TNXB: variants seen among roughly 807,000 people sequenced by gnomAD.
TNXB encodes tenascin-X.
TNXB carries 183 observed loss-of-function variants against 340.5 expected under a neutral mutation model. The observed-to-expected ratio is 0.54, with a 90% CI of 0.48 to 0.61. TNXB has a LOEUF of 0.61. Ranked by LOEUF, TNXB falls within the 20% of genes least tolerant of loss-of-function variation. The pLI, the probability that TNXB is intolerant of heterozygous loss-of-function variation, is 0.00. For synonymous variants in TNXB, 2,121 were observed against 2,314.5 expected (o/e 0.92, Z 2.40); for missense variants, 4,613 against 5,446.4 (o/e 0.85, Z 4.82).
At position 32,086,093 on chromosome 6, in the gene TNXB, C is replaced by T. The variant is rs1390957422; in HGVS notation, c.2805G>A (p.Gly935=). The T allele has an allele frequency of 1.9e-6, 3 of 1,552,688 alleles. No individual in the cohort carries two copies. The highest frequency in any genetic ancestry group is 2.6e-6 in the Non-Finnish European group (3 of 1,148,430). ...NTGSSPLGLL[G]TTDEPPPSGP... ...CTGAGGGAGGAGGCTCATCGGTAGTCCCCAAGAGGCCCAAGGGTGAGGACC... is the reference window on the plus strand; with the variant it reads ...CTGAGGGAGGAGGCTCATCGGTAGTTCCCAAGAGGCCCAAGGGTGAGGACC... Residue 935 remains glycine, a synonymous_variant, in exon 7 of 44, where the codon GGG becomes GGA. Coordinates refer to ENST00000644971, the MANE Select transcript of TNXB (RefSeq NM_001365276.2).
rs1778083524 is a variant in TNXB at position 32,062,390 on chromosome 6, G to A, written c.6935C>T (p.Thr2312Ile). The change falls in exon 20 of 44, where the codon ACA becomes ATA. Residue 2312 changes from threonine (T) to isoleucine (I), a missense_variant. Transcript: ENST00000644971. The surrounding 1 kb of genome is among the most constrained non-coding windows in gnomAD (Gnocchi z 4.3). ...IKPRLEELTV[T>I]DATPDSLSLS... is the part of the protein sequence containing the mutation. ...GCTGAGGGAGTCAGGGGTCGCATCT[G>A]TCACGGTCAGCTCCTCCAGGCGAGG... 6.2e-7 allele frequency: 1 copy of A among 1,613,340 alleles called. No homozygotes were observed. The highest frequency in any genetic ancestry group is 8.5e-7 in the Non-Finnish European group (1 of 1,179,896).
At position 32,049,709 on chromosome 6, in the gene TNXB, G is replaced by A; in HGVS notation, c.9440-122C>T. 1.6e-6 allele frequency: 2 copies of A among 1,278,172 alleles called. No homozygotes were observed. Among genetic ancestry groups the A allele is most frequent in the South Asian group, 3.0e-5 (2 of 66,710 alleles). 79.2% of individuals were successfully genotyped at this position (1,278,172 alleles called of 1,614,324 possible). A position where few individuals can be genotyped will look rare whatever the true frequency, so the allele number is the denominator to read the frequency against. ...TCATTTCAGAGAAGTCCATTCTTGGGGCTGGGTGGTCCTGCTCAGCTGACA... is the reference window on the plus strand; with the variant it reads ...TCATTTCAGAGAAGTCCATTCTTGGAGCTGGGTGGTCCTGCTCAGCTGACA... On this transcript the variant is annotated intron_variant, in intron 27 of 43. Transcript: ENST00000644971. This position sits in a 1 kb window ranked among gnomAD's most constrained non-coding sequence, Gnocchi z 4.5.
In TNXB at chr6:32,081,708, G is replaced by A; in HGVS notation, c.3737-35C>T. On this transcript the variant is annotated intron_variant, in intron 9 of 43. Transcript: ENST00000644971. The surrounding 1 kb of genome is among the most constrained non-coding windows in gnomAD (Gnocchi z 5.1). ...AGGAGATCCAGCCAGGTGCTGAACT[G>A]GCAGCCTGGGACTGGGGCTTGGGGT... The A allele has an allele frequency of 6.6e-7, 1 of 1,523,490 alleles. No homozygotes were observed. Among genetic ancestry groups the A allele is most frequent in the Non-Finnish European group, 8.9e-7 (1 of 1,128,608 alleles). 94.4% of individuals were successfully genotyped at this position (1,523,490 alleles called of 1,614,324 possible). A position where few individuals can be genotyped will look rare whatever the true frequency, so the allele number is the denominator to read the frequency against.
rs577350186 is a variant in TNXB at position 32,096,713 on chromosome 6, G to T, written c.1140C>A (p.Arg380=). 3.2e-6 allele frequency: 5 copies of T among 1,549,526 alleles called. No homozygotes were observed. In the African/African-American group the frequency reaches 6.9e-5, roughly 21 times the overall value. Residue 380 remains arginine, a synonymous_variant, in exon 3 of 44, where the codon CGC becomes CGA. Transcript: ENST00000644971. Reference sequence around the variant, plus strand: ...TGCATTCGCCGTCCTCGCAGCGCCCGCGGCCCCGGCAGTCCCTCGGACATG... The same window carrying T: ...TGCATTCGCCGTCCTCGCAGCGCCCTCGGCCCCGGCAGTCCCTCGGACATG... ...TRTCPRDCRG[R]GRCEDGECIC... is the part of the protein sequence containing the mutation.
Position 32,096,965 on chromosome 6 carries a change from C to T in TNXB, c.888G>A (p.Val296=), listed in dbSNP as rs764592071. 3.3e-5 allele frequency: 53 copies of T among 1,605,840 alleles called. 2 individuals carry two copies. In the South Asian group the frequency reaches 5.8e-4, roughly 18 times the overall value. ...QRGRCENGRC[V]CNPGYTGEDC... ...CCTCGCCAGTGTAGCCGGGGTTACA[C>T]ACGCAGCGCCCATTCTCACAGCGCC... Residue 296 remains valine (V), a synonymous_variant, in exon 3 of 44, where the codon GTG becomes GTA. Coordinates refer to ENST00000644971, the MANE Select transcript of TNXB (RefSeq NM_001365276.2).
Position 32,042,523 on chromosome 6 carries a change from G to A in TNXB, c.12142C>T (p.Leu4048Phe), listed in dbSNP as rs780430990. The change falls in exon 40 of 44, where the codon CTC (leucine) becomes TTC (phenylalanine). Residue 4048 changes from leucine to phenylalanine, a missense_variant. Physicochemically the swap from Leu to Phe is conservative, Grantham distance 22. This residue lies in a region of TNXB where 121 missense variants were observed against 177.4 expected (regional missense o/e 0.68). Coordinates refer to ENST00000644971, the MANE Select transcript of TNXB (RefSeq NM_001365276.2). Reference protein sequence around the residue: ...AGASRTSTIFLNGNRERPLNV... With the variant: ...AGASRTSTIFFNGNRERPLNV... ...AGGGGCCGCTCGCGGTTGCCGTTGA[G>A]GAAGATGGTGCTGGTCCTGGAGGCA... The A allele has an allele frequency of 1.9e-6, 3 of 1,612,312 alleles. No individual in the cohort carries two copies. The African/African-American group carries it at 4.0e-5, about 22-fold the overall frequency.
rs747920918 is a variant in TNXB, at chr6:32,053,419, G to C, written c.8760C>G (p.Arg2920=). ...MNLYGFHGGQ[R]VGPISVIGVT... Reference sequence around the variant, plus strand: ...CCCCAATGACAGAGATGGGGCCCACGCGCTGGCCACCGTGGAAGCCGTACA... The same window carrying C: ...CCCCAATGACAGAGATGGGGCCCACCCGCTGGCCACCGTGGAAGCCGTACA... The change falls in exon 25 of 44, where the codon CGC becomes CGG. Residue 2920 remains arginine, a synonymous_variant. Coordinates refer to ENST00000644971, the MANE Select transcript of TNXB (RefSeq NM_001365276.2). The C allele has an allele frequency of 5.6e-6, 9 of 1,612,770 alleles. No homozygotes were observed. In the Admixed American group the frequency reaches 1.3e-4, roughly 24 times the overall value.
Position 32,053,412 on chromosome 6 carries a change from G to T in TNXB, c.8767C>A (p.Pro2923Thr). 1.2e-6 allele frequency: 2 copies of T among 1,612,838 alleles called. No individual in the cohort carries two copies. Among genetic ancestry groups the T allele is most frequent in the Non-Finnish European group, 1.7e-6 (2 of 1,179,866 alleles). The stretch of plus-strand genomic sequence containing the variant: ...CCTGTCACCCCAATGACAGAGATGG[G>T]GCCCACGCGCTGGCCACCGTGGAAG... ...YGFHGGQRVG[P>T]ISVIGVTAAE... Residue 2923 changes from proline (P) to threonine (T), a missense_variant, in exon 25 of 44, where the codon CCC becomes ACC. By Grantham distance (38) the Pro-to-Thr change is conservative. This residue lies in a region of TNXB where 4,327 missense variants were observed against 4,859.4 expected (regional missense o/e 0.89). Transcript: ENST00000644971.
chr6:32,079,301 G>A lies in TNXB; in HGVS notation c.4107C>T (p.Ser1369=), dbSNP rs753573303. 6.2e-7 allele frequency: 1 copy of A among 1,612,876 alleles called. No homozygotes were observed. Among genetic ancestry groups the A allele is most frequent in the South Asian group, 1.1e-5 (1 of 91,070 alleles). ...GCTCCCCCAGGAGCGGCTCCTCGGG[G>A]GACTCCGGGGCCTCCGTGCCCAGTT... ...PTELGTEAPE[S]PEEPLLGELT... is the part of the protein sequence containing the mutation. The change falls in exon 11 of 44, where the codon TCC becomes TCT. Residue 1369 remains serine, a synonymous_variant. Coordinates refer to ENST00000644971, the MANE Select transcript of TNXB (RefSeq NM_001365276.2). This position sits in a 1 kb window ranked among gnomAD's most constrained non-coding sequence, Gnocchi z 7.1.
In TNXB at chr6:32,095,796, C is replaced by A; in HGVS notation, c.2057G>T (p.Ser686Ile). 1 of 1,613,248 alleles carries A rather than the reference C, an allele frequency of 6.2e-7. No homozygotes were observed. Among genetic ancestry groups the A allele is most frequent in the Non-Finnish European group, 8.5e-7 (1 of 1,179,626 alleles). Residue 686 changes from serine (S) to isoleucine (I), a missense_variant, in exon 3 of 44, where the codon AGC (serine) becomes ATC (isoleucine). Physicochemically the swap from Ser to Ile is moderately radical, Grantham distance 142. Transcript: ENST00000644971. ...GGGCCCGCAGCCTCCAGGGCAGGCG[C>A]TGGCTGGAGGCTCTTCCTGCCCGCA... ...EDCGQEEPPA[S>I]ACPGGCGPRE...
chr6:32,068,586 T>A lies in TNXB; in HGVS notation c.6024A>T (p.Thr2008=). Reference sequence around the variant, plus strand: ...AGTGGTCAAACTGTCCCTCGGGAACTGTCCAGGACAGGCTGAGGGAGTCAG... The same window carrying A: ...AGTGGTCAAACTGTCCCTCGGGAACAGTCCAGGACAGGCTGAGGGAGTCAG... ...ATPDSLSLSW[T]VPEGQFDHFL... The change falls in exon 17 of 44, where the codon ACA becomes ACT. Residue 2008 remains threonine, a synonymous_variant. Transcript: ENST00000644971. The surrounding 1 kb of genome is among the most constrained non-coding windows in gnomAD (Gnocchi z 5.3). The A allele has an allele frequency of 2.5e-6, 4 of 1,613,946 alleles. No individual in the cohort carries two copies. Among genetic ancestry groups the A allele is most frequent in the Non-Finnish European group, 3.4e-6 (4 of 1,179,884 alleles).
rs1425364965 is a variant in TNXB at position 32,046,075 on chromosome 6, C to T, written c.10606+100G>A. ...CCTGGGGACAGGCCAGGGCGCCCCA[C>T]TCCGGCCTGCCCACTCCTGCAGTCA... On this transcript the variant is annotated intron_variant, in intron 31 of 43. Transcript: ENST00000644971. The surrounding 1 kb of genome is among the most constrained non-coding windows in gnomAD (Gnocchi z 6.9). 1 of 1,496,662 alleles carries T rather than the reference C, an allele frequency of 6.7e-7. No homozygotes were observed. 92.7% of individuals were successfully genotyped at this position (1,496,662 alleles called of 1,614,324 possible).
rs1306223306 is a variant in TNXB, at chr6:32,087,484, G to T, written c.2779+1301C>A. 1 of 490,862 alleles carries T rather than the reference G, an allele frequency of 2.0e-6. No individual in the cohort carries two copies. The highest frequency in any genetic ancestry group is 4.0e-6 in the Non-Finnish European group (1 of 247,508). The allele number at this position is 490,862 out of a possible 1,614,324, so 30.4% of individuals were successfully genotyped here. A position where few individuals can be genotyped will look rare whatever the true frequency, so the allele number is the denominator to read the frequency against. On this transcript the variant is annotated intron_variant, in intron 6 of 43. Transcript: ENST00000644971. The surrounding 1 kb of genome is among the most constrained non-coding windows in gnomAD (Gnocchi z 9.0). The stretch of plus-strand genomic sequence containing the variant: ...GAGAGACACGAGAAGCGCGCCATCG[G>T]CGGAACTGCCCAGCACCTCTGGCTT...
Position 32,097,509 on chromosome 6 carries a change from T to C in TNXB, c.404-60A>G. The C allele has an allele frequency of 6.5e-7, 1 of 1,540,204 alleles. No individual in the cohort carries two copies. Among genetic ancestry groups the C allele is most frequent in the Non-Finnish European group, 8.7e-7 (1 of 1,145,776 alleles). ...TCTCCTGGGAGAGAGGCTGAGCCTA[T>C]GTAGTGCTCCTATGTGCAGGCCCCT... On this transcript the variant is annotated intron_variant, in intron 2 of 43. Transcript: ENST00000644971. The surrounding 1 kb of genome is among the most constrained non-coding windows in gnomAD (Gnocchi z 5.9).
Position 32,096,439 on chromosome 6 carries a change from CACG to C in TNXB, c.1411_1413del (p.Arg471del), listed in dbSNP as rs755959617. On this transcript the variant is annotated inframe_deletion, in exon 3 of 44. Coordinates refer to ENST00000644971, the MANE Select transcript of TNXB (RefSeq NM_001365276.2). ...CGGCCACTCTCACAGCGGCCCCGGC[CACG>C]ACAGTCCCCAGGACAGCTGCGCACA... 1.9e-5 allele frequency: 31 copies of C among 1,596,118 alleles called. No individual in the cohort carries two copies. The highest frequency in any genetic ancestry group is 2.5e-5 in the Non-Finnish European group (30 of 1,177,888).
chr6:32,068,208 C>A lies in TNXB; in HGVS notation c.6220+182G>T, dbSNP rs1241527620. On this transcript the variant is annotated intron_variant, in intron 17 of 43. Transcript: ENST00000644971. The surrounding 1 kb of genome is among the most constrained non-coding windows in gnomAD (Gnocchi z 5.3). The stretch of plus-strand genomic sequence containing the variant: ...CACAGCAAAATTCCCGATGGCCCCT[C>A]TCTGTTCAGGAGGAGCCAGTGGTCA... 6.6e-6 allele frequency among the ~76,000 whole-genome samples: 1 copy of A among 152,180 alleles called. No homozygotes were observed. Among genetic ancestry groups the A allele is most frequent in the African/African-American group, 2.4e-5 (1 of 41,434 alleles).
Position 32,041,240 on chromosome 6 carries a change from G to A in TNXB, c.*109C>T, listed in dbSNP as rs373773021. Reference sequence around the variant, plus strand: ...ACACAGTGCTGCGAGATCGCTGGCAGAGAAGGCTTCCTCCAGCGGCTGGGT... The same window carrying A: ...ACACAGTGCTGCGAGATCGCTGGCAAAGAAGGCTTCCTCCAGCGGCTGGGT... On this transcript the variant is annotated 3_prime_UTR_variant, in exon 44 of 44. Coordinates refer to ENST00000644971, the MANE Select transcript of TNXB (RefSeq NM_001365276.2). 24 of 829,080 alleles carry A rather than the reference G, an allele frequency of 2.9e-5. No individual in the cohort carries two copies. Among genetic ancestry groups the A allele is most frequent in the East Asian group, 7.7e-5 (3 of 39,108 alleles). 51.4% of individuals were successfully genotyped at this position (829,080 alleles called of 1,614,324 possible).
chr6:32,072,231 C>T lies in TNXB; in HGVS notation c.4749G>A (p.Leu1583=). 2 of 1,611,120 alleles carry T rather than the reference C, an allele frequency of 1.2e-6. No individual in the cohort carries two copies. Among genetic ancestry groups the T allele is most frequent in the Non-Finnish European group, 1.7e-6 (2 of 1,178,982 alleles). ...AGTCAGGGGTTATATCCGTCACTGT[C>T]AGCTCCCCTAGGCGTGGCTCCAGGG... ...KPPLEPRLGE[L]TVTDITPDSV... is the part of the protein sequence containing the mutation. Residue 1583 remains leucine (L), a synonymous_variant, in exon 13 of 44, where the codon CTG becomes CTA. Transcript: ENST00000644971. The surrounding 1 kb of genome is among the most constrained non-coding windows in gnomAD (Gnocchi z 4.4).
At position 32,058,189 on chromosome 6, in the gene TNXB, G is replaced by A. The variant is rs199719197; in HGVS notation, c.7694C>T (p.Ala2565Val). The A allele has an allele frequency of 1.9e-4, 303 of 1,612,386 alleles. No homozygotes were observed. Among genetic ancestry groups the A allele is most frequent in the Non-Finnish European group, 2.4e-4 (280 of 1,179,838 alleles). Residue 2565 changes from alanine (A) to valine (V), a missense_variant, in exon 22 of 44, where the codon GCG becomes GTG. Ala to Val is a moderately conservative substitution (Grantham distance 64). Coordinates refer to ENST00000644971, the MANE Select transcript of TNXB (RefSeq NM_001365276.2). The surrounding 1 kb of genome is among the most constrained non-coding windows in gnomAD (Gnocchi z 5.1). ...GCTCTCCTGGCCCCCAACACGCACC[G>A]CCTGGGGCCGCCCGTCCCTGTCCTT... is the stretch of plus-strand genomic sequence containing the variant. Reference protein sequence around the residue: ...QYKDRDGRPQAVRVGGQESKV... With the variant: ...QYKDRDGRPQVVRVGGQESKV...
Sources: gnomAD v4.1 joint callset for allele counts (sites outside exome capture counted in the v4.1 genomes callset) on GRCh38, gnomAD v4.1.1 for gene constraint, gnomAD v4.1.1 regional missense constraint, Gnocchi (gnomAD v3.1) non-coding constraint, MANE v1.5 for transcripts, NCBI Gene and HGNC (gene_info 2026-07-23, HGNC 2026-07-21) for gene names.